Variants in OTULIN observed in about 807,000 individuals in gnomAD.
OTULIN encodes OTU deubiquitinase with linear linkage specificity, also known as ubiquitin thioesterase otulin.
OTULIN carries 15 observed loss-of-function variants against 39.6 expected under a neutral mutation model. That is an observed-to-expected ratio of 0.38 (90% CI 0.25 to 0.58). The LOEUF (loss-of-function observed/expected upper bound fraction) is 0.58. Ranked by LOEUF, OTULIN falls within the 20% of genes least tolerant of loss-of-function variation. The pLI is 0.66. For missense variants in OTULIN, 319 were observed against 445.9 expected, an observed-to-expected ratio of 0.72 and a Z score of 2.56; for synonymous variants, 156 against 170.3, an observed-to-expected ratio of 0.92 and a Z score of 0.65.
At chr5:14,711,107 A>G in the OTULIN span, 18 of 1,178,600 alleles carry the variant, frequency 1.5e-5, no homozygotes, top group Admixed American at 2.9e-4. Flanking sequence ...AACAAAAAAA[A>G]GGGAACAAAA....
the OTULIN span, chr5:14,706,066 C>T: frequency 6.6e-6 from 1 of 152,172 alleles, no homozygotes; most frequent in African/African-American, 2.4e-5. Context: ...CCTTCTTTAA[C>T]CTAAGGAAAC....
At chr5:14,675,204 T>C (rs991742657) in intron 2 of OTULIN, among the ~76,000 whole-genome samples, 12 of 152,200 alleles carry the variant, frequency 7.9e-5, no homozygotes, top group African/African-American at 2.9e-4. Context: ...CCAAAAAAAA[T>C]TGAAATCCGT....
At chr5:14,673,083 T>C (rs1005155628) in intron 1 of OTULIN, among the ~76,000 whole-genome samples, 1 of 152,114 alleles carries the variant, frequency 6.6e-6, no homozygotes, top group Admixed American at 6.6e-5. Flanking sequence ...AACAGCTGCA[T>C]GGGTGGCTGG....
At position 14,697,302 on chromosome 5, in the gene OTULIN, A is replaced by G. The variant is rs1299927149; in HGVS notation, c.*4254A>G. 1 of 152,150 alleles carries G rather than the reference A, an allele frequency of 6.6e-6. No individual in the cohort carries two copies. The highest frequency in any genetic ancestry group is 1.5e-5 in the Non-Finnish European group (1 of 68,056). The allele number at this position is 152,150 out of a possible 1,614,324, so 9.4% of individuals were successfully genotyped here. ...AGCAGTTCTCCTGCCTCAGCCTGCC[A>G]AATAGCTGGGATTACAGGTGTGTAC... On this transcript the variant is annotated 3_prime_UTR_variant, in exon 7 of 7. Transcript: ENST00000284274.
Position 14,664,893 on chromosome 5 carries a change from G to T in OTULIN, c.68G>T (p.Arg23Leu). The change falls in exon 1 of 7, where the codon CGG (arginine) becomes CTG (leucine). Residue 23 changes from arginine (R) to leucine (L), a missense_variant. By Grantham distance (102) the Arg-to-Leu change is moderately radical. Transcript: ENST00000284274. Reference sequence around the variant, plus strand: ...GCGAGCTGCGCCGAGACGCCGGCGCGGGAGGCGGCGGCCACGGCGCGGGAC... The same window carrying T: ...GCGAGCTGCGCCGAGACGCCGGCGCTGGAGGCGGCGGCCACGGCGCGGGAC... ...PGASCAETPA[R>L]EAAATARDGG... 2 of 1,169,668 alleles carry T rather than the reference G, an allele frequency of 1.7e-6. No individual in the cohort carries two copies. Among genetic ancestry groups the T allele is most frequent in the Non-Finnish European group, 2.1e-6 (2 of 956,654 alleles). 72.5% of individuals were successfully genotyped at this position (1,169,668 alleles called of 1,614,324 possible). A position where few individuals can be genotyped will look rare whatever the true frequency, so the allele number is the denominator to read the frequency against.
chr5:14,713,001 G>C, the OTULIN span: 1 of 1,597,280 alleles, frequency 6.3e-7, no homozygotes, highest in South Asian at 1.1e-5. This position sits in a 1 kb window ranked among gnomAD's most constrained non-coding sequence, Gnocchi z 4.4. Context: ...AAGGCAATTT[G>C]TCTGTTAAGG....
the OTULIN span, chr5:14,711,089 C>CA: frequency 4.8e-6 from 5 of 1,033,466 alleles, no homozygotes; most frequent in South Asian, 6.3e-5. Flanking sequence ...CTTTCATTAC[C>CA]AAAACAAAAC....
intron 1 of OTULIN, among the ~76,000 whole-genome samples, chr5:14,673,076 A>G (rs1736017841): frequency 6.6e-6 from 1 of 152,196 alleles, no homozygotes; most frequent in Non-Finnish European, 1.5e-5. Flanking sequence ...TCTATGTAAC[A>G]GCTGCATGGG....
In OTULIN at chr5:14,697,535, G is replaced by T. The variant is rs1460447386; in HGVS notation, c.*4487G>T. On this transcript the variant is annotated 3_prime_UTR_variant, in exon 7 of 7. Coordinates refer to ENST00000284274, the MANE Select transcript of OTULIN (RefSeq NM_138348.6). ...ATCTACTACCAGGAATGTCGGAATG[G>T]GTTTTGGTATGTATAATGGAAATAG... 2.0e-5 allele frequency: 3 copies of T among 152,074 alleles called. No homozygotes were observed. The highest frequency in any genetic ancestry group is 6.5e-5 in the Admixed American group (1 of 15,272). 9.4% of individuals were successfully genotyped at this position (152,074 alleles called of 1,614,324 possible).
In OTULIN at chr5:14,664,965, G is replaced by A. The variant is rs1735792815; in HGVS notation, c.140G>A (p.Cys47Tyr). 2 of 1,089,662 alleles carry A rather than the reference G, an allele frequency of 1.8e-6. No homozygotes were observed. Among genetic ancestry groups the A allele is most frequent in the East Asian group, 6.0e-5 (1 of 16,540 alleles). The allele number at this position is 1,089,662 out of a possible 1,614,324, so 67.5% of individuals were successfully genotyped here. ...ASGQPRPEMQ[C>Y]PAEHEEDMYR... Reference sequence around the variant, plus strand: ...GGGCAGCCGCGGCCCGAGATGCAGTGCCCGGCCGAGCAGTGAGTCCGCGGG... The same window carrying A: ...GGGCAGCCGCGGCCCGAGATGCAGTACCCGGCCGAGCAGTGAGTCCGCGGG... Residue 47 changes from cysteine to tyrosine, a missense_variant, in exon 1 of 7, where the codon TGC becomes TAC. Transcript: ENST00000284274.
chr5:14,709,805 G>GCAAT, the OTULIN span: 3 of 152,584 alleles, frequency 2.0e-5, no homozygotes, highest in Non-Finnish European at 2.9e-5. Context: ...GAGCACACAA[G>GCAAT]CAATCACCGT....
At chr5:14,685,610 A>G (rs1736367103) in intron 4 of OTULIN, among the ~76,000 whole-genome samples, 1 of 152,144 alleles carries the variant, frequency 6.6e-6, no homozygotes, top group African/African-American at 2.4e-5. Context: ...GAAGTCTACA[A>G]CCCTGAACTG....
intron 5 of OTULIN, among the ~76,000 whole-genome samples, chr5:14,689,147 G>T (rs1426170863): frequency 1.3e-5 from 2 of 152,184 alleles, no homozygotes; most frequent in African/African-American, 2.4e-5. Flanking sequence ...CAGCTGCTCT[G>T]TGGTGAAGCC....
intron 4 of OTULIN, among the ~76,000 whole-genome samples, chr5:14,682,251 G>A (rs1318763515): frequency 6.6e-6 from 1 of 152,212 alleles, no homozygotes; most frequent in Non-Finnish European, 1.5e-5. Flanking sequence ...GGTCAGGAAT[G>A]ATTGGTCAGA....
At chr5:14,692,020 CT>C (rs934481672) in intron 6 of OTULIN, among the ~76,000 whole-genome samples, 1 of 152,124 alleles carries the variant, frequency 6.6e-6, no homozygotes, top group African/African-American at 2.4e-5. Context: ...ATTGTTTCCA[CT>C]TTTTAGTTCT....
At chr5:14,687,226 G>A (rs963839673) in intron 4 of OTULIN, among the ~76,000 whole-genome samples, 2 of 152,138 alleles carry the variant, frequency 1.3e-5, no homozygotes, top group African/African-American at 4.8e-5. Flanking sequence ...CGTGCTGTGG[G>A]CATGGCCTGC....
chr5:14,666,015 C>T (rs1013910710), intron 1 of OTULIN, among the ~76,000 whole-genome samples: 1 of 152,174 alleles, frequency 6.6e-6, no homozygotes, highest in South Asian at 2.1e-4. Context: ...GAGACTTAAC[C>T]TCAGACTCTG....
intron 2 of OTULIN, among the ~76,000 whole-genome samples, chr5:14,678,051 G>T (rs1579965982): frequency 2.0e-5 from 3 of 152,180 alleles, no homozygotes; most frequent in South Asian, 4.1e-4. Context: ...GGTGTGTGTG[G>T]GGGGTGGTGG....
chr5:14,680,595 A>G (rs1736221748), intron 3 of OTULIN, among the ~76,000 whole-genome samples: 1 of 152,216 alleles, frequency 6.6e-6, no homozygotes, highest in African/African-American at 2.4e-5. Flanking sequence ...TGGAGAAGCC[A>G]GGCATCATCA....
Sources: allele counts gnomAD v4.1 joint callset (sites outside exome capture counted in the v4.1 genomes callset), GRCh38; gene constraint gnomAD v4.1.1; non-coding constraint Gnocchi (gnomAD v3.1); transcripts MANE v1.5; gene names NCBI Gene and HGNC (gene_info 2026-07-23, HGNC 2026-07-21).